Variants in EPB41L2 observed in about 807,000 individuals in gnomAD.
EPB41L2 encodes band 4.1-like protein 2.
EPB41L2 carries 43 observed loss-of-function variants against 113.0 expected under a neutral mutation model. That is an observed-to-expected ratio of 0.38 (90% CI 0.30 to 0.49). The LOEUF is 0.49. Among genes scored for constraint, EPB41L2 ranks in the 20% least tolerant of loss-of-function variants. The pLI, the probability that EPB41L2 is intolerant of heterozygous loss-of-function variation, is 0.95. For synonymous variants in EPB41L2, 442 were observed against 436.7 expected (o/e 1.01, Z -0.15); for missense variants, 1,147 against 1,223.4 (o/e 0.94, Z 0.93).
At chr6:130,929,896 C>T (rs1049584823) in intron 3 of EPB41L2, among the ~76,000 whole-genome samples, 5 of 107,572 alleles carry the variant, frequency 4.6e-5, no homozygotes, top group South Asian at 3.7e-4. Flanking sequence ...CACACACACA[C>T]ATACACGCAC....
In EPB41L2 at chr6:130,885,222, G is replaced by T. The variant is rs186711562; in HGVS notation, c.1707C>A (p.Gly569=). 1 of 1,614,050 alleles carries T rather than the reference G, an allele frequency of 6.2e-7. No individual in the cohort carries two copies. Among genetic ancestry groups the T allele is most frequent in the South Asian group, 1.1e-5 (1 of 91,080 alleles). ...MDQSLMKDFP[G]AAGEISAYGP... ...CATAGGCTGAAATCTCCCCAGCAGC[G>T]CCAGGAAAATCCTTCATAAGACTTT... Residue 569 remains glycine (G), a synonymous_variant, in exon 12 of 20, where the codon GGC becomes GGA. Transcript: ENST00000337057.
intron 4 of EPB41L2, among the ~76,000 whole-genome samples, chr6:130,912,576 T>C (rs184953660): frequency 1.9e-4 from 29 of 152,290 alleles, no homozygotes; most frequent in Non-Finnish European, 3.7e-4. Flanking sequence ...CCCAGCTGCA[T>C]GCACTACTGA....
At chr6:130,973,351 G>A (rs1777398643) in intron 1 of EPB41L2, among the ~76,000 whole-genome samples, 1 of 151,868 alleles carries the variant, frequency 6.6e-6, no homozygotes, top group African/African-American at 2.4e-5. Flanking sequence ...GTTCACAAAG[G>A]GGCAATTTGG....
chr6:130,950,477 T>C (rs1814521783), intron 3 of EPB41L2, among the ~76,000 whole-genome samples: 1 of 152,044 alleles, frequency 6.6e-6, no homozygotes, highest in Non-Finnish European at 1.5e-5. Context: ...TTAATTGCTG[T>C]AACTAACTCG....
Position 130,937,940 on chromosome 6 carries a change from C to T in EPB41L2, c.706-11231G>A, listed in dbSNP as rs547118012. Among the ~76,000 whole-genome samples, 10 of 152,080 alleles carry T rather than the reference C, an allele frequency of 6.6e-5. No individual in the cohort carries two copies. In the South Asian group the frequency reaches 1.5e-3, roughly 22 times the overall value. The stretch of plus-strand genomic sequence containing the variant: ...AATCATCAGGTGGAAAAACACAAGA[C>T]GACTGGAGATCCTACATCTTATCAC... On this transcript the variant is annotated intron_variant, in intron 3 of 19. Transcript: ENST00000337057.
intron 9 of EPB41L2, among the ~76,000 whole-genome samples, chr6:130,894,658 T>TC (rs1289180041): frequency 1.3e-5 from 2 of 152,182 alleles, no homozygotes; most frequent in African/African-American, 4.8e-5. Context: ...AAACCAACTA[T>TC]CCTTCAATGT....
chr6:130,991,147 C>A (rs1474420969), intron 1 of EPB41L2, among the ~76,000 whole-genome samples: 1 of 152,054 alleles, frequency 6.6e-6, no homozygotes, highest in Admixed American at 6.5e-5. Context: ...TGGTTCAAGG[C>A]CATGACTTGG....
intron 18 of EPB41L2, among the ~76,000 whole-genome samples, chr6:130,860,619 G>A (rs1373766269): frequency 6.6e-6 from 1 of 152,090 alleles, no homozygotes; most frequent in Non-Finnish European, 1.5e-5. Context: ...TGCAAGCTCC[G>A]CCTCCCGGGT....
intron 4 of EPB41L2, among the ~76,000 whole-genome samples, chr6:130,910,207 G>A (rs1244231530): frequency 6.6e-6 from 1 of 152,094 alleles, no homozygotes; most frequent in African/African-American, 2.4e-5. Flanking sequence ...CAGAACAGAT[G>A]CCTCAGAAAT....
chr6:131,046,375 T>G (rs1289640370), intron 1 of EPB41L2, among the ~76,000 whole-genome samples: 2 of 152,310 alleles, frequency 1.3e-5, no homozygotes, highest in East Asian at 3.9e-4. Context: ...ACCGTCACAC[T>G]TAACTAATGA....
At chr6:131,007,546 TAGG>T (rs1046324855) in intron 1 of EPB41L2, among the ~76,000 whole-genome samples, 1 of 152,160 alleles carries the variant, frequency 6.6e-6, no homozygotes, top group African/African-American at 2.4e-5. Context: ...TTGGAACAGT[TAGG>T]AGGACTCAGA....
At chr6:130,999,606 T>C (rs1233223362) in intron 1 of EPB41L2, among the ~76,000 whole-genome samples, 1 of 152,176 alleles carries the variant, frequency 6.6e-6, no homozygotes, top group Non-Finnish European at 1.5e-5. Flanking sequence ...CATGATTGCT[T>C]CTCATGGATT....
intron 11 of EPB41L2, among the ~76,000 whole-genome samples, chr6:130,890,077 A>G (rs1012813864): frequency 3.3e-5 from 5 of 152,198 alleles, no homozygotes; most frequent in South Asian, 2.1e-4. Flanking sequence ...ACAAAAAAAA[A>G]GAAAAAAGTG....
intron 4 of EPB41L2, among the ~76,000 whole-genome samples, chr6:130,919,170 G>A (rs1202412264): frequency 6.6e-6 from 1 of 152,116 alleles, no homozygotes. Flanking sequence ...AAGTTTTTGA[G>A]TTAAAGTCTA....
rs199718473 is a variant in EPB41L2 at position 130,908,087 on chromosome 6, TTCTC to T, written c.853+730_853+733del. The stretch of plus-strand genomic sequence containing the variant: ...AGTATCCAGATCCCCTAACAGAGAT[TTCTC>T]TCTATTTATCATGTTTCTTGGCACA... On this transcript the variant is annotated intron_variant, in intron 5 of 19. Coordinates refer to ENST00000337057, the MANE Select transcript of EPB41L2 (RefSeq NM_001431.4). Among the ~76,000 whole-genome samples the T allele has an allele frequency of 6.5e-3, 991 of 152,290 alleles. 17 individuals carry two copies. Among genetic ancestry groups the T allele is most frequent in the African/African-American group, 0.023 (955 of 41,556 alleles).
At chr6:130,945,024 T>C (rs1812323311) in intron 3 of EPB41L2, among the ~76,000 whole-genome samples, 1 of 152,222 alleles carries the variant, frequency 6.6e-6, no homozygotes. Context: ...GATAAAGACA[T>C]GCCACCTTGA....
At chr6:130,909,029 G>A (rs1160388788) in intron 4 of EPB41L2, among the ~76,000 whole-genome samples, 166 bp from the exon 5 acceptor site, 3 of 152,134 alleles carry the variant, frequency 2.0e-5, no homozygotes, top group Non-Finnish European at 4.4e-5. Flanking sequence ...CTTTGTCCTT[G>A]GGGACATATG....
chr6:130,969,361 C>T (rs937762402), intron 1 of EPB41L2, among the ~76,000 whole-genome samples: 1 of 152,290 alleles, frequency 6.6e-6, no homozygotes, highest in East Asian at 1.9e-4. Context: ...ATTACAGTGG[C>T]CCTGTTTTTC....
At chr6:131,020,324 T>C (rs17059966) in intron 1 of EPB41L2, among the ~76,000 whole-genome samples, 4,725 of 152,276 alleles carry the variant, frequency 0.031, 235 homozygotes, top group African/African-American at 0.11. Flanking sequence ...TTGTCTTAAA[T>C]ATAAGGCTGA....
Sources: allele counts gnomAD v4.1 joint callset (sites outside exome capture counted in the v4.1 genomes callset), GRCh38; gene constraint gnomAD v4.1.1; transcripts MANE v1.5; gene names NCBI Gene and HGNC (gene_info 2026-07-23, HGNC 2026-07-21).